Variants in SYT16 observed in about 807,000 individuals in gnomAD.
SYT16 encodes synaptotagmin 16.
SYT16 carries 42 observed loss-of-function variants against 61.4 expected under a neutral mutation model. The ratio of observed to expected loss-of-function variants is 0.68; its 90% CI spans 0.53 to 0.89. The LOEUF (loss-of-function observed/expected upper bound fraction) is 0.89, where lower values mean the gene tolerates loss of function less well. SYT16 is among the 40% of genes least tolerant of loss of function. SYT16 has a pLI of 0.00. For missense variants in SYT16, 804 were observed against 807.3 expected (o/e 1.00, Z 0.05); for synonymous variants, 314 against 302.3 (o/e 1.04, Z -0.40).
intron 1 of SYT16, among the ~76,000 whole-genome samples, chr14:61,888,391 T>C (rs1175593012): frequency 6.6e-6 from 1 of 152,202 alleles, no homozygotes; most frequent in Non-Finnish European, 1.5e-5. Flanking sequence ...GTGCTGGGAT[T>C]ACAGGCATGA....
At chr14:61,812,628 G>A (rs1050978134), upstream of SYT16, 2 of 147,042 alleles carry the variant, frequency 1.4e-5, no homozygotes, top group Non-Finnish European at 3.0e-5. Context: ...GGCGGCTGCT[G>A]GGCGCGGGGC....
intron 1 of SYT16, among the ~76,000 whole-genome samples, chr14:61,915,922 G>C (rs1168486618): frequency 6.6e-6 from 1 of 152,158 alleles, no homozygotes; most frequent in Non-Finnish European, 1.5e-5. Context: ...ATGATCTCAC[G>C]GGTTTGAGGA....
At chr14:61,910,195 T>A (rs1382300418) in intron 1 of SYT16, among the ~76,000 whole-genome samples, 2 of 151,648 alleles carry the variant, frequency 1.3e-5, no homozygotes, top group African/African-American at 4.9e-5. Context: ...TGACATCATA[T>A]TAATAATTTC....
At chr14:61,897,179 T>C (rs575347468) in intron 1 of SYT16, 5 of 152,212 alleles carry the variant, frequency 3.3e-5, no homozygotes, top group African/African-American at 7.2e-5. Context: ...TCACACTACA[T>C]TGGCAGAGAT....
At chr14:61,827,280 G>A (rs1489980945) in intron 1 of SYT16, among the ~76,000 whole-genome samples, 2 of 152,176 alleles carry the variant, frequency 1.3e-5, no homozygotes, top group African/African-American at 4.8e-5. Context: ...TACAATGACA[G>A]AACCATTCTG....
chr14:62,077,360 A>G lies in SYT16; in HGVS notation c.993+1969A>G, dbSNP rs1026382340. On this transcript the variant is annotated intron_variant, in intron 5 of 7. Coordinates refer to ENST00000683842, the MANE Select transcript of SYT16 (RefSeq NM_001367656.1). ...TGTCTCAGCAGGAAACTGGTCGTGC[A>G]GTGTGACTACCTGTTAGGCTGATGG... 3.3e-5 allele frequency among the ~76,000 whole-genome samples: 5 copies of G among 152,364 alleles called. No individual in the cohort carries two copies. In the East Asian group the frequency reaches 9.6e-4, roughly 29 times the overall value.
intron 1 of SYT16, among the ~76,000 whole-genome samples, chr14:61,925,862 A>G (rs1228586235): frequency 6.6e-6 from 1 of 152,166 alleles, no homozygotes; most frequent in Non-Finnish European, 1.5e-5. Context: ...CCTCAAGGAA[A>G]AGGTGGAGAT....
intron 1 of SYT16, among the ~76,000 whole-genome samples, chr14:61,817,011 ACACACACACACACACAC>A (rs1566604690): frequency 5.1e-4 from 69 of 134,368 alleles, no homozygotes; most frequent in African/African-American, 1.5e-3. Flanking sequence ...GCTCCGTCAC[ACACACACACACACACAC>A]AAAAAAAGCA....
At chr14:62,064,783 G>A (rs1369455552) in intron 3 of SYT16, among the ~76,000 whole-genome samples, 1 of 152,092 alleles carries the variant, frequency 6.6e-6, no homozygotes, top group Non-Finnish European at 1.5e-5. Flanking sequence ...GATAATAATA[G>A]TACCTACTTT....
chr14:62,075,114 G>A, intron 4 of SYT16, 21 bp from the exon 5 acceptor site: 1 of 1,584,338 alleles, frequency 6.3e-7, no homozygotes. Context: ...ATTTGAAATG[G>A]TTTTCTTATT....
At chr14:61,985,066 A>T (rs934001810) in intron 2 of SYT16, among the ~76,000 whole-genome samples, 1 of 152,136 alleles carries the variant, frequency 6.6e-6, no homozygotes, top group Non-Finnish European at 1.5e-5. Flanking sequence ...TCTGATTATT[A>T]ATGTTTGCCA....
At chr14:61,905,079 T>TA (rs1390122723) in intron 1 of SYT16, among the ~76,000 whole-genome samples, 1 of 152,190 alleles carries the variant, frequency 6.6e-6, no homozygotes, top group African/African-American at 2.4e-5. Context: ...ACCTCTCCCT[T>TA]ACATTTCTTC....
At position 61,940,433 on chromosome 14, in the gene SYT16, C is replaced by T. The variant is rs138741480; in HGVS notation, c.-324-29699C>T. On this transcript the variant is annotated intron_variant, in intron 1 of 7. Coordinates refer to ENST00000683842, the MANE Select transcript of SYT16 (RefSeq NM_001367656.1). ...CAACAACAAAAAAATCCCCTAAAAA[C>T]CTATGATAAGGCAGAATAGCAGAGT... is the stretch of plus-strand genomic sequence containing the variant. Among the ~76,000 whole-genome samples the T allele has an allele frequency of 9.7e-4, 148 of 152,232 alleles. 2 individuals carry two copies. The highest frequency in any genetic ancestry group is 3.6e-3 in the African/African-American group (148 of 41,520).
chr14:62,066,044 A>T (rs1223790170), intron 3 of SYT16, among the ~76,000 whole-genome samples: 1 of 152,258 alleles, frequency 6.6e-6, no homozygotes, highest in Non-Finnish European at 1.5e-5. Flanking sequence ...GCTCCATAAA[A>T]GAGAAGATCA....
At chr14:61,935,592 G>T (rs1370522381) in intron 1 of SYT16, among the ~76,000 whole-genome samples, 1 of 152,166 alleles carries the variant, frequency 6.6e-6, no homozygotes, top group African/African-American at 2.4e-5. Flanking sequence ...AGTTGTTGGG[G>T]TGGTGAAACG....
chr14:61,888,365 G>C (rs999274004), intron 1 of SYT16, among the ~76,000 whole-genome samples: 3 of 152,004 alleles, frequency 2.0e-5, no homozygotes, highest in South Asian at 2.1e-4. Context: ...AGATCTGCCC[G>C]CCTTGGTCTC....
chr14:62,049,147 A>G (rs1284010087), intron 3 of SYT16, among the ~76,000 whole-genome samples: 2 of 152,170 alleles, frequency 1.3e-5, no homozygotes, highest in Non-Finnish European at 2.9e-5. Flanking sequence ...TTGCTTTATG[A>G]ATCTGGGTGC....
In SYT16 at chr14:61,944,504, C is replaced by A. The variant is rs2050339962; in HGVS notation, c.-324-25628C>A. On this transcript the variant is annotated intron_variant, in intron 1 of 7. Transcript: ENST00000683842. ...AACTATACTACAAGGCTACAGTAAC[C>A]AAAACAGCATGGTACTGGTAGCAAA... 2.0e-5 allele frequency among the ~76,000 whole-genome samples: 3 copies of A among 152,270 alleles called. No individual in the cohort carries two copies. The South Asian group carries it at 6.2e-4, about 32-fold the overall frequency.
At chr14:62,070,230 G>A (rs9323381) in intron 4 of SYT16, among the ~76,000 whole-genome samples, 65,587 of 152,094 alleles carry the variant, frequency 0.43, 15,436 homozygotes, top group African/African-American at 0.64. Flanking sequence ...CCACATATCT[G>A]TATAACTCCG....
Sources: gnomAD v4.1 joint callset for allele counts (sites outside exome capture counted in the v4.1 genomes callset) on GRCh38, gnomAD v4.1.1 for gene constraint, MANE v1.5 for transcripts, NCBI Gene and HGNC (gene_info 2026-07-23, HGNC 2026-07-21) for gene names.